The following NRP2 variants were observed in gnomAD, a reference collection of about 807,000 sequenced individuals.
NRP2 encodes the protein neuropilin-2.
In NRP2, 52 loss-of-function variants were observed where a neutral mutation model predicts 110.4. The ratio of observed to expected loss-of-function variants is 0.47; its 90% CI spans 0.38 to 0.59. The LOEUF is 0.59. Ranked by LOEUF, NRP2 falls within the 20% of genes least tolerant of loss-of-function variation. NRP2 has a pLI of 0.00. For synonymous variants in NRP2, 508 were observed against 468.9 expected, an observed-to-expected ratio of 1.08 and a Z score of -1.08; for missense variants, 1,049 against 1,203.0, an observed-to-expected ratio of 0.87 and a Z score of 1.89.
intron 2 of NRP2, among the ~76,000 whole-genome samples, chr2:205,704,758 T>C (rs945181366): frequency 1.3e-5 from 2 of 152,260 alleles, no homozygotes; most frequent in Non-Finnish European, 2.9e-5. Flanking sequence ...CTTAACAATA[T>C]GCTTTATCTT....
At position 205,794,740 on chromosome 2, in the gene NRP2, T is replaced by C. The variant is rs374495313; in HGVS notation, c.2477-14T>C. 13 of 1,613,802 alleles carry C rather than the reference T, an allele frequency of 8.1e-6. No homozygotes were observed. In the African/African-American group the frequency reaches 1.7e-4, roughly 22 times the overall value. On this transcript the variant is annotated splice_polypyrimidine_tract_variant and intron_variant, in intron 16 of 16. Transcript: ENST00000357785. ...GCAGTGCCTGCAATCTCTCATGAAT[T>C]TTATGTATCGCAGATGAATACGAGG...
chr2:205,706,181 A>C (rs1309848841), intron 2 of NRP2, among the ~76,000 whole-genome samples: 2 of 151,994 alleles, frequency 1.3e-5, no homozygotes, highest in African/African-American at 4.8e-5. Context: ...TGTCAGCGGA[A>C]GTAATTGATT....
intron 12 of NRP2, among the ~76,000 whole-genome samples, chr2:205,758,302 T>C (rs2057765976): frequency 6.6e-6 from 1 of 152,208 alleles, no homozygotes; most frequent in Admixed American, 6.5e-5. Context: ...GGCAAGATGC[T>C]AGCCAGGAGA....
intron 2 of NRP2, among the ~76,000 whole-genome samples, chr2:205,711,821 C>T (rs551714754): frequency 5.3e-5 from 8 of 152,308 alleles, no homozygotes; most frequent in Admixed American, 3.9e-4. Flanking sequence ...CCAGACATTT[C>T]GGTGCCCTGA....
Position 205,743,393 on chromosome 2 carries a change from A to G in NRP2, c.1482A>G (p.Thr494=), listed in dbSNP as rs1179747581. ...AGTGGCTTCAGGTAGATCTGGGAACACCCAAGACAGTGAAAGGTGTCATCA... is the reference window on the plus strand; with the variant it reads ...AGTGGCTTCAGGTAGATCTGGGAACGCCCAAGACAGTGAAAGGTGTCATCA... ...GEEWLQVDLG[T]PKTVKGVIIQ... Residue 494 remains threonine, a synonymous_variant, in exon 9 of 17, where the codon ACA becomes ACG. Coordinates refer to ENST00000357785, the MANE Select transcript of NRP2 (RefSeq NM_003872.3). The G allele has an allele frequency of 1.2e-6, 2 of 1,614,172 alleles. No individual in the cohort carries two copies. The highest frequency in any genetic ancestry group is 3.3e-5 in the Admixed American group (2 of 60,018).
intron 15 of NRP2, chr2:205,776,797 A>G: frequency 1.5e-6 from 2 of 1,355,476 alleles, no homozygotes; most frequent in Non-Finnish European, 1.9e-6. Context: ...TCCACCCCCA[A>G]GCACTCCACA....
At chr2:205,691,316 A>C (rs1258498672) in intron 1 of NRP2, among the ~76,000 whole-genome samples, 1 of 152,166 alleles carries the variant, frequency 6.6e-6, no homozygotes, top group Non-Finnish European at 1.5e-5. Context: ...GAGAGGAGAA[A>C]GGGCAGAGGC....
chr2:205,704,740 A>G (rs2056639576), intron 2 of NRP2, among the ~76,000 whole-genome samples: 1 of 152,252 alleles, frequency 6.6e-6, no homozygotes, highest in Non-Finnish European at 1.5e-5. Flanking sequence ...TTCGCTGTAG[A>G]TGCCCTTCTT....
rs376858351 is a variant in NRP2 at position 205,700,418 on chromosome 2, G to C, written c.251+2697G>C. Reference sequence around the variant, plus strand: ...CCCAGCAAAAAGGGGAACTGAGCAAGAAAGTCAGGAGAAGCAGCCAACTCA... The same window carrying C: ...CCCAGCAAAAAGGGGAACTGAGCAACAAAGTCAGGAGAAGCAGCCAACTCA... On this transcript the variant is annotated intron_variant, in intron 2 of 16. Transcript: ENST00000357785. Among the ~76,000 whole-genome samples the C allele has an allele frequency of 2.3e-4, 35 of 152,344 alleles. 2 individuals carry two copies. The South Asian group carries it at 7.2e-3, about 32-fold the overall frequency.
chr2:205,702,159 AT>A (rs1370786128), intron 2 of NRP2, among the ~76,000 whole-genome samples: 8 of 152,314 alleles, frequency 5.3e-5, no homozygotes, highest in South Asian at 2.1e-4. Context: ...GTTTGGGACT[AT>A]TTTCTATCAA....
chr2:205,727,473 A>G (rs903545153), intron 6 of NRP2, among the ~76,000 whole-genome samples: 1 of 152,190 alleles, frequency 6.6e-6, no homozygotes, highest in Non-Finnish European at 1.5e-5. Flanking sequence ...GACTTTTGGA[A>G]CTAGGGCATT....
At chr2:205,722,166 CTCTCAT>C (rs1295132335) in intron 3 of NRP2, 42 of 347,656 alleles carry the variant, frequency 1.2e-4, no homozygotes, top group African/African-American at 9.7e-4. Flanking sequence ...CTCTCTCTCT[CTCTCAT>C]ACACACACAC....
At chr2:205,719,633 CTG>C (rs2056972135) in intron 3 of NRP2, among the ~76,000 whole-genome samples, 1 of 152,126 alleles carries the variant, frequency 6.6e-6, no homozygotes, top group Non-Finnish European at 1.5e-5. Context: ...ACTTCAGAAA[CTG>C]ACATTTTTGG....
chr2:205,789,026 A>G (rs760693062), intron 15 of NRP2, among the ~76,000 whole-genome samples: 1 of 152,174 alleles, frequency 6.6e-6, no homozygotes, highest in Non-Finnish European at 1.5e-5. Flanking sequence ...CCACTTCTTC[A>G]TGTTCATGAG....
At chr2:205,697,520 T>C (rs901890843) in intron 1 of NRP2, 24 bp from the exon 2 acceptor site, 2 of 1,607,676 alleles carry the variant, frequency 1.2e-6, no homozygotes, top group Non-Finnish European at 1.7e-6. Flanking sequence ...TTGAAGTTCT[T>C]TGGGTCGTTG....
chr2:205,685,454 G>T (rs947577690), intron 1 of NRP2, among the ~76,000 whole-genome samples: 1 of 152,228 alleles, frequency 6.6e-6, no homozygotes, highest in African/African-American at 2.4e-5. Flanking sequence ...GCCGGGAAGG[G>T]GGCCTGGTTC....
chr2:205,749,430 C>T (rs998803197), intron 10 of NRP2, among the ~76,000 whole-genome samples: 52 of 152,090 alleles, frequency 3.4e-4, no homozygotes, highest in Middle Eastern at 3.2e-3. Flanking sequence ...GCCTGTAGCC[C>T]CCTCCATTAT....
In NRP2 at chr2:205,777,149, C is replaced by T. The variant is rs1281265793; in HGVS notation, c.2425+10346C>T. On this transcript the variant is annotated intron_variant, in intron 15 of 16. Transcript: ENST00000357785. ...AGAAGAGATTGAAGCTTTTTGTTGC[C>T]TTATCTAGCTCTGGCTGGGTTTCTG... 31 of 987,096 alleles carry T rather than the reference C, an allele frequency of 3.1e-5. No individual in the cohort carries two copies. The South Asian group carries it at 1.4e-3, about 43-fold the overall frequency. The allele number at this position is 987,096 out of a possible 1,614,324, so 61.1% of individuals were successfully genotyped here. A position where few individuals can be genotyped will look rare whatever the true frequency, so the allele number is the denominator to read the frequency against.
intron 1 of NRP2, among the ~76,000 whole-genome samples, chr2:205,694,468 G>A (rs2056380810): frequency 6.6e-6 from 1 of 152,194 alleles, no homozygotes; most frequent in African/African-American, 2.4e-5. Context: ...TTCGGGTGAT[G>A]AATTTGCCCC....
Sources: gnomAD v4.1 joint callset for allele counts (sites outside exome capture counted in the v4.1 genomes callset) on GRCh38, gnomAD v4.1.1 for gene constraint, MANE v1.5 for transcripts, NCBI Gene and HGNC (gene_info 2026-07-23, HGNC 2026-07-21) for gene names.